The following DNAH12 variants were observed in gnomAD, a reference collection of about 807,000 sequenced individuals.
The protein encoded by DNAH12 is dynein axonemal heavy chain 12.
DNAH12 carries 285 observed loss-of-function variants against 371.5 expected under a neutral mutation model. The ratio of observed to expected loss-of-function variants is 0.77; its 90% CI spans 0.70 to 0.85. The LOEUF is 0.85. Ranked by LOEUF, DNAH12 falls within the 40% of genes least tolerant of loss-of-function variation. DNAH12 has a pLI of 0.00. For synonymous variants in DNAH12, 1,200 were observed against 1,213.0 expected (o/e 0.99, Z 0.22); for missense variants, 3,611 against 3,689.4 (o/e 0.98, Z 0.55).
intron 44 of DNAH12, among the ~76,000 whole-genome samples, chr3:57,393,789 T>G (rs1340747482): frequency 6.6e-6 from 1 of 152,074 alleles, no homozygotes; most frequent in Non-Finnish European, 1.5e-5. Flanking sequence ...ATAGTTTTAT[T>G]AAAACTTTAA....
chr3:57,351,098 GT>G (rs2062661363), intron 60 of DNAH12, among the ~76,000 whole-genome samples: 1 of 151,864 alleles, frequency 6.6e-6, no homozygotes, highest in South Asian at 2.1e-4. Flanking sequence ...GTGAAACCCT[GT>G]CTCTACTAAA....
At chr3:57,338,142 G>A (rs1162619070) in intron 60 of DNAH12, among the ~76,000 whole-genome samples, 1 of 152,130 alleles carries the variant, frequency 6.6e-6, no homozygotes, top group African/African-American at 2.4e-5. Flanking sequence ...CCTGCCGAGT[G>A]CCTGGGATTG....
At chr3:57,365,878 T>TAA (rs1553665661) in intron 57 of DNAH12, among the ~76,000 whole-genome samples, 20 of 151,378 alleles carry the variant, frequency 1.3e-4, no homozygotes, top group East Asian at 1.9e-4. Context: ...TATATATATA[T>TAA]AAATGTATTT....
chr3:57,435,373 CAAAAA>C lies in DNAH12; in HGVS notation c.4656-1550_4656-1546del, dbSNP rs34515598. On this transcript the variant is annotated intron_variant, in intron 30 of 73. Coordinates refer to ENST00000495027, the MANE Select transcript of DNAH12 (RefSeq NM_001366028.2). Reference sequence around the variant, plus strand: ...GGTGATAGACCAAGACTCTGTCTCCCAAAAAAAAAAAAAAAAAAAGAATATAATTC... The same window carrying C: ...GGTGATAGACCAAGACTCTGTCTCCCAAAAAAAAAAAAAAGAATATAATTC... 2.0e-3 allele frequency among the ~76,000 whole-genome samples: 193 copies of C among 94,748 alleles called. 1 individual carries two copies. Among genetic ancestry groups the C allele is most frequent in the African/African-American group, 7.3e-3 (185 of 25,200 alleles). The allele number at this position is 94,748 out of a possible 152,430, so 62.2% of individuals were successfully genotyped here.
chr3:57,379,046 C>G (rs2063335510), intron 52 of DNAH12, 112 bp downstream of exon 52: 1 of 152,332 alleles, frequency 6.6e-6, no homozygotes, highest in South Asian at 2.1e-4. Context: ...TACAGCAGAA[C>G]AAATTCTCTG....
In DNAH12 at chr3:57,403,354, T is replaced by A. The variant is rs538259253; in HGVS notation, c.6903A>T (p.Glu2301Asp). ...CATTCATACCATAGCTCTTAGAAAT[T>A]TCTGGTTGGAAAATATGCATTTTTG... is the stretch of plus-strand genomic sequence containing the variant. ...SMAKMHIFQPEISKSYGMNEW... is the reference protein window; with the variant it reads ...SMAKMHIFQPDISKSYGMNEW... The change falls in exon 43 of 74, where the codon GAA becomes GAT. Residue 2301 changes from glutamate to aspartate, a missense_variant. Glu to Asp is a conservative substitution (Grantham distance 45, BLOSUM62 2). Transcript: ENST00000495027. 2.6e-6 allele frequency: 4 copies of A among 1,551,192 alleles called. No homozygotes were observed. The Admixed American group carries it at 7.9e-5, about 30-fold the overall frequency.
chr3:57,472,733 G>A (rs2066402611), intron 13 of DNAH12, 62 bp from the exon 14 acceptor site: 1 of 1,485,704 alleles, frequency 6.7e-7, no homozygotes, highest in South Asian at 1.3e-5. Flanking sequence ...ATGAAAAAGA[G>A]AAGAACCAAC....
rs1392176783 is a variant in DNAH12 at position 57,293,841 on chromosome 3, G to GTC, written c.11821_11822dup (p.Asp3941GlufsTer33). ...GCTTGATCCAGTGCCGAGTAGGTTG[G>GTC]TCTGTTTTTAACAACATTGCAATGA... On this transcript the variant is annotated frameshift_variant, in exon 74 of 74. Coordinates refer to ENST00000495027, the MANE Select transcript of DNAH12 (RefSeq NM_001366028.2). LOFTEE classifies it high-confidence loss of function. The GTC allele has an allele frequency of 6.5e-6, 10 of 1,550,126 alleles. No homozygotes were observed. The highest frequency in any genetic ancestry group is 1.4e-5 in the African/African-American group (1 of 72,774).
chr3:57,368,230 G>C lies in DNAH12; in HGVS notation c.8790C>G (p.Ala2930=), dbSNP rs1035927341. 3.0e-4 allele frequency: 46 copies of C among 152,046 alleles called. No homozygotes were observed. Among genetic ancestry groups the C allele is most frequent in the African/African-American group, 9.6e-4 (40 of 41,476 alleles). The allele number at this position is 152,046 out of a possible 1,614,324, so 9.4% of individuals were successfully genotyped here. Residue 2930 remains alanine (A), a synonymous_variant, in exon 56 of 74, where the codon GCC becomes GCG. Coordinates refer to ENST00000495027, the MANE Select transcript of DNAH12 (RefSeq NM_001366028.2). The part of the protein sequence containing the change: ...WPLMIDPQGQ[A]NKWIKNSEKE... ...TTTCAGAGTTTTTGATCCACTTATT[G>C]GCTTGACCCTGGGGGTCAATCATTA...
chr3:57,525,666 T>A (rs1265641487), intron 2 of DNAH12, among the ~76,000 whole-genome samples: 1 of 151,970 alleles, frequency 6.6e-6, no homozygotes, highest in African/African-American at 2.4e-5. Flanking sequence ...TTACAAACAA[T>A]TCAATTATAC....
In DNAH12 at chr3:57,323,579, C is replaced by G; in HGVS notation, c.10019G>C (p.Gly3340Ala). The change falls in exon 63 of 74, where the codon GGG becomes GCG. Residue 3340 changes from glycine (G) to alanine (A), a missense_variant. Transcript: ENST00000495027. Reference sequence around the variant, plus strand: ...TGGTGGAGGCTCTACAAACTTTTTCCCTAGTTTGTCAGTTACATAGTTTGT... The same window carrying G: ...TGGTGGAGGCTCTACAAACTTTTTCGCTAGTTTGTCAGTTACATAGTTTGT... ...AITNYVTDKL[G>A]KKFVEPPPFD... 3 of 1,550,048 alleles carry G rather than the reference C, an allele frequency of 1.9e-6. No homozygotes were observed. The highest frequency in any genetic ancestry group is 2.6e-6 in the Non-Finnish European group (3 of 1,146,528).
In DNAH12 at chr3:57,502,469, G is replaced by T. The variant is rs1208018150; in HGVS notation, c.1097C>A (p.Thr366Lys). Residue 366 changes from threonine to lysine, a missense_variant, in exon 10 of 74, where the codon ACA (threonine) becomes AAA (lysine). Thr to Lys is a moderately conservative substitution (Grantham distance 78). Transcript: ENST00000495027. ...RIAEALQNVQ[T>K]IPSWLSGTST... Reference sequence around the variant, plus strand: ...AGTTCCTGATAGCCAAGAGGGGATTGTTTGGACATTCTAACACAAATAAAA... The same window carrying T: ...AGTTCCTGATAGCCAAGAGGGGATTTTTTGGACATTCTAACACAAATAAAA... 1.2e-6 allele frequency: 2 copies of T among 1,614,006 alleles called. No homozygotes were observed. Among genetic ancestry groups the T allele is most frequent in the South Asian group, 2.2e-5 (2 of 91,080 alleles).
intron 60 of DNAH12, among the ~76,000 whole-genome samples, chr3:57,342,636 C>A (rs1284094132): frequency 9.7e-6 from 1 of 103,252 alleles, no homozygotes; most frequent in Admixed American, 1.4e-4. Context: ...CCAGCCTGGG[C>A]GACAGACTGA....
upstream of DNAH12, among the ~76,000 whole-genome samples, chr3:57,547,209 TATATAG>T (rs10569241): frequency 0.68 from 102,108 of 149,754 alleles, 35,231 homozygotes; most frequent in African/African-American, 0.77. Flanking sequence ...CACACACACA[TATATAG>T]ATATAGATAT....
intron 11 of DNAH12, among the ~76,000 whole-genome samples, chr3:57,491,099 A>AAAACC (rs56259991): frequency 8.9e-6 from 1 of 112,790 alleles, no homozygotes; most frequent in Non-Finnish European, 1.7e-5. Context: ...AAAAAAAAAA[A>AAAACC]AACAACAAAT....
chr3:57,379,598 T>C (rs1158753128), intron 51 of DNAH12, among the ~76,000 whole-genome samples: 3 of 151,982 alleles, frequency 2.0e-5, no homozygotes, highest in Non-Finnish European at 2.9e-5. Flanking sequence ...CCCAGCACTT[T>C]GGGAGGCCAA....
intron 17 of DNAH12, among the ~76,000 whole-genome samples, chr3:57,465,102 G>A (rs2081474943): frequency 6.6e-6 from 1 of 152,146 alleles, no homozygotes; most frequent in Non-Finnish European, 1.5e-5. Context: ...TCTCTCTAAC[G>A]CGAGATTGGC....
chr3:57,304,174 C>G (rs557798169), intron 69 of DNAH12, among the ~76,000 whole-genome samples: 4 of 152,118 alleles, frequency 2.6e-5, no homozygotes, highest in Admixed American at 6.5e-5. Context: ...CCTCTCTTTT[C>G]GGACTCAGCC....
intron 25 of DNAH12, among the ~76,000 whole-genome samples, 178 bp from the exon 26 acceptor site, chr3:57,446,867 C>T (rs9855744): frequency 0.42 from 64,272 of 151,794 alleles, 15,142 homozygotes; most frequent in South Asian, 0.57. Context: ...CATTTTAAAA[C>T]GTTCAAAAAA....
Sources: allele counts gnomAD v4.1 joint callset (sites outside exome capture counted in the v4.1 genomes callset), GRCh38; gene constraint gnomAD v4.1.1; transcripts MANE v1.5; gene names NCBI Gene and HGNC (gene_info 2026-07-23, HGNC 2026-07-21).